Variants in FHOD3 observed in about 807,000 individuals in gnomAD.
FHOD3 encodes the protein formin homology 2 domain containing 3.
Under a neutral mutation model 173.0 loss-of-function variants are expected in FHOD3, and 90 were observed. The ratio of observed to expected loss-of-function variants is 0.52; its 90% CI spans 0.44 to 0.62. The LOEUF (loss-of-function observed/expected upper bound fraction) is 0.62. Among genes scored for constraint, FHOD3 ranks in the 20% least tolerant of loss-of-function variants. FHOD3 has a pLI of 0.00. For missense variants in FHOD3, 1,945 were observed against 2,034.7 expected (o/e 0.96, Z 0.85); for synonymous variants, 828 against 823.0 (o/e 1.01, Z -0.10).
intron 15 of FHOD3, among the ~76,000 whole-genome samples, chr18:36,686,012 A>G (rs895814475): frequency 6.6e-6 from 1 of 152,168 alleles, no homozygotes; most frequent in African/African-American, 2.4e-5. Context: ...TGGAGAAGGA[A>G]TCCTGGGTTG....
intron 3 of FHOD3, among the ~76,000 whole-genome samples, chr18:36,423,309 C>T (rs1019931473): frequency 6.6e-6 from 1 of 152,054 alleles, no homozygotes; most frequent in African/African-American, 2.4e-5. Flanking sequence ...TTGGGTTTGA[C>T]TAGAAAATGA....
In FHOD3 at chr18:36,625,548, A is replaced by G. The variant is rs774092205; in HGVS notation, c.995A>G (p.Glu332Gly). Residue 332 changes from glutamate (E) to glycine (G), a missense_variant, in exon 10 of 29, where the codon GAG (glutamate) becomes GGG (glycine). Coordinates refer to ENST00000590592, the MANE Select transcript of FHOD3 (RefSeq NM_001281740.3). The part of the protein sequence containing the change: ...LRHEDGDETT[E>G]PPPSGCRDRR... ...CACGAGGATGGCGATGAGACCACGG[A>G]GCCACCCCCCAGTGGGTGCCGGGAC... The G allele has an allele frequency of 1.3e-6, 2 of 1,495,804 alleles. No individual in the cohort carries two copies. The highest frequency in any genetic ancestry group is 2.1e-5 in the Admixed American group (1 of 48,082). The allele number at this position is 1,495,804 out of a possible 1,614,324, so 92.7% of individuals were successfully genotyped here. A position where few individuals can be genotyped will look rare whatever the true frequency, so the allele number is the denominator to read the frequency against.
At chr18:36,570,985 G>A (rs553063519) in intron 5 of FHOD3, among the ~76,000 whole-genome samples, 19 of 152,186 alleles carry the variant, frequency 1.2e-4, no homozygotes, top group South Asian at 8.3e-4. Context: ...CTCTCACCAC[G>A]CCCATTGAAT....
chr18:36,538,002 C>T (rs534903763), intron 5 of FHOD3, among the ~76,000 whole-genome samples: 1 of 152,184 alleles, frequency 6.6e-6, no homozygotes, highest in South Asian at 2.1e-4. Context: ...GTTCTTCAAC[C>T]ACAAGAGAAA....
chr18:36,339,412 A>G (rs930847837), intron 1 of FHOD3, among the ~76,000 whole-genome samples: 2 of 152,198 alleles, frequency 1.3e-5, no homozygotes, highest in South Asian at 2.1e-4. Flanking sequence ...TAACGAGTGT[A>G]GTTGCACAGG....
At chr18:36,716,650 C>T (rs2040464927) in intron 18 of FHOD3, among the ~76,000 whole-genome samples, 1 of 152,090 alleles carries the variant, frequency 6.6e-6, no homozygotes, top group South Asian at 2.1e-4. Context: ...GTCCTGGGAG[C>T]CCTGTGAGGG....
chr18:36,591,406 G>A (rs12606590), intron 6 of FHOD3, among the ~76,000 whole-genome samples: 41,775 of 152,096 alleles, frequency 0.27, 6,207 homozygotes, highest in Admixed American at 0.36. Flanking sequence ...ACTACGAGGT[G>A]AGAAAGGGAG....
intron 3 of FHOD3, among the ~76,000 whole-genome samples, chr18:36,400,842 C>T (rs1299532146): frequency 2.6e-5 from 4 of 152,022 alleles, no homozygotes; most frequent in Admixed American, 6.6e-5. Context: ...GGACCCATCC[C>T]GGAAGCAGAA....
At chr18:36,358,420 C>T (rs530766573) in intron 2 of FHOD3, among the ~76,000 whole-genome samples, 128 of 152,334 alleles carry the variant, frequency 8.4e-4, no homozygotes, top group Admixed American at 9.1e-4. Flanking sequence ...AGAGCCAGGG[C>T]ATCCTGCTAT....
intron 1 of FHOD3, among the ~76,000 whole-genome samples, chr18:36,336,666 G>A (rs1407443683): frequency 2.3e-5 from 3 of 130,430 alleles, no homozygotes; most frequent in African/African-American, 9.0e-5. Flanking sequence ...GTGAAACCCT[G>A]TTTCTGCTAA....
At chr18:36,759,085 T>C (rs1477103365) in intron 25 of FHOD3, 33 bp from the exon 26 acceptor site, 2 of 1,535,676 alleles carry the variant, frequency 1.3e-6, no homozygotes, top group South Asian at 1.2e-5. Context: ...CTTCTGTCTT[T>C]TCCGTCCTGT....
intron 19 of FHOD3, among the ~76,000 whole-genome samples, chr18:36,722,490 C>G (rs913914008): frequency 6.6e-6 from 1 of 152,088 alleles, no homozygotes; most frequent in African/African-American, 2.4e-5. Flanking sequence ...GGGAGGGAGC[C>G]CAGAATGTAT....
In FHOD3 at chr18:36,396,950, TTTCTTGTCTCTA is replaced by T. The variant is rs1324323869; in HGVS notation, c.337+24218_337+24229del. Among the ~76,000 whole-genome samples, 5 of 152,200 alleles carry T rather than the reference TTTCTTGTCTCTA, an allele frequency of 3.3e-5. No individual in the cohort carries two copies. The East Asian group carries it at 5.8e-4, about 18-fold the overall frequency. On this transcript the variant is annotated intron_variant, in intron 3 of 28. Transcript: ENST00000590592. ...AAACATGACTGATTGCATTCTGAGA[TTTCTTGTCTCTA>T]TTCTTGTCTCTCACTTTTATTTTGA...
intron 3 of FHOD3, among the ~76,000 whole-genome samples, chr18:36,495,968 T>A (rs2054724828): frequency 6.6e-6 from 1 of 152,194 alleles, no homozygotes; most frequent in South Asian, 2.1e-4. Context: ...AGGAAATGGA[T>A]CCAAGAGTGA....
rs546018789 is a variant in FHOD3 at position 36,343,471 on chromosome 18, G to T, written c.166-12068G>T. ...ATCTCATGTCAAAATTTGATTCCTA[G>T]TGTTGAGGGTGGGCATAATGGGAGG... On this transcript the variant is annotated intron_variant, in intron 1 of 28. Transcript: ENST00000590592. Among the ~76,000 whole-genome samples the T allele has an allele frequency of 6.0e-4, 92 of 152,286 alleles. 3 individuals are homozygous for T. In the South Asian group the frequency reaches 0.018, roughly 31 times the overall value.
chr18:36,455,525 G>C (rs2052139253), intron 3 of FHOD3, among the ~76,000 whole-genome samples: 1 of 150,628 alleles, frequency 6.6e-6, no homozygotes, highest in South Asian at 2.1e-4. Context: ...TATTAGGAGA[G>C]ATTTATTTTC....
intron 1 of FHOD3, among the ~76,000 whole-genome samples, chr18:36,310,543 C>T (rs2092228789): frequency 6.6e-6 from 1 of 151,878 alleles, no homozygotes; most frequent in East Asian, 1.9e-4. Context: ...AAAAATTAGC[C>T]AGGCATGGTG....
At position 36,755,275 on chromosome 18, in the gene FHOD3, A is replaced by C; in HGVS notation, c.4389A>C (p.Arg1463Ser). The change falls in exon 25 of 29, where the codon AGA becomes AGC. Residue 1463 changes from arginine (R) to serine (S), a missense_variant. Physicochemically the swap from Arg to Ser is moderately radical, Grantham distance 110. Around this residue, in one of 5 missense-constraint regions of FHOD3, gnomAD observed 354 missense variants for 359.9 expected, o/e 0.98. Coordinates refer to ENST00000590592, the MANE Select transcript of FHOD3 (RefSeq NM_001281740.3). The part of the protein sequence containing the change: ...LQQKQKRANH[R>S]ERNKTRGKMI... ...AGAAACAGAAACGGGCCAACCACAGAGAGAGAAATAAGACCAGAGGGAAGA... is the reference window on the plus strand; with the variant it reads ...AGAAACAGAAACGGGCCAACCACAGCGAGAGAAATAAGACCAGAGGGAAGA... 1 of 1,610,478 alleles carries C rather than the reference A, an allele frequency of 6.2e-7. No individual in the cohort carries two copies.
intron 3 of FHOD3, among the ~76,000 whole-genome samples, chr18:36,487,842 G>A (rs967972790): frequency 6.6e-6 from 1 of 152,180 alleles, no homozygotes; most frequent in African/African-American, 2.4e-5. Flanking sequence ...ACACAGCCTG[G>A]AAATAAATAC....
Sources: allele counts gnomAD v4.1 joint callset (sites outside exome capture counted in the v4.1 genomes callset), GRCh38; gene constraint gnomAD v4.1.1; regional missense constraint gnomAD v4.1.1; transcripts MANE v1.5; gene names NCBI Gene and HGNC (gene_info 2026-07-23, HGNC 2026-07-21).